The following BAIAP2L1 variants were observed in gnomAD, a reference collection of about 807,000 sequenced individuals.
BAIAP2L1 encodes the protein BAR/IMD domain containing adaptor protein 2 like 1, also known as BAR/IMD domain-containing adapter protein 2-like 1.
BAIAP2L1 carries 35 observed loss-of-function variants against 66.3 expected under a neutral mutation model. That is an observed-to-expected ratio of 0.53 (90% confidence interval 0.40 to 0.70). BAIAP2L1 has a LOEUF of 0.70. Among genes scored for constraint, BAIAP2L1 ranks in the 30% least tolerant of loss-of-function variants. The pLI is 0.00. For missense variants in BAIAP2L1, 622 were observed against 656.9 expected, an observed-to-expected ratio of 0.95 and a Z score of 0.58; for synonymous variants, 269 against 248.7, an observed-to-expected ratio of 1.08 and a Z score of -0.77.
At chr7:98,345,332 C>A (rs1197019976) in intron 3 of BAIAP2L1, among the ~76,000 whole-genome samples, 2 of 152,150 alleles carry the variant, frequency 1.3e-5, no homozygotes, top group African/African-American at 2.4e-5. Context: ...TGACAAAAGT[C>A]AATTTGCAAA....
At chr7:98,304,130 A>G (rs1422870332) in intron 12 of BAIAP2L1, 66 bp downstream of exon 12, 3 of 1,465,514 alleles carry the variant, frequency 2.0e-6, no homozygotes, top group Non-Finnish European at 2.7e-6. Flanking sequence ...TCACCACAGG[A>G]CCTGCGCCTC....
chr7:98,299,405 G>T (rs1463735084), intron 12 of BAIAP2L1, among the ~76,000 whole-genome samples: 1 of 152,060 alleles, frequency 6.6e-6, no homozygotes, highest in Non-Finnish European at 1.5e-5. Context: ...TGATCCTCCC[G>T]CCTCGGCCTC....
At chr7:98,369,452 T>C (rs970846564) in intron 1 of BAIAP2L1, among the ~76,000 whole-genome samples, 4 of 152,054 alleles carry the variant, frequency 2.6e-5, no homozygotes, top group Non-Finnish European at 4.4e-5. Context: ...CACTCCAGCC[T>C]GGGCGATAAA....
At chr7:98,377,247 C>A (rs143163786) in intron 1 of BAIAP2L1, among the ~76,000 whole-genome samples, 1 of 152,292 alleles carries the variant, frequency 6.6e-6, no homozygotes, top group African/African-American at 2.4e-5. Context: ...ACATGGCTTA[C>A]GAGCTTCTGC....
At chr7:98,318,827 C>T (rs943483667) in intron 5 of BAIAP2L1, among the ~76,000 whole-genome samples, 1 of 151,138 alleles carries the variant, frequency 6.6e-6, no homozygotes, top group African/African-American at 2.4e-5. Flanking sequence ...GCCTGTAATC[C>T]CAGCTAATTG....
intron 12 of BAIAP2L1, among the ~76,000 whole-genome samples, chr7:98,298,088 A>G (rs560776492): frequency 1.4e-4 from 21 of 152,302 alleles, no homozygotes; most frequent in African/African-American, 5.1e-4. Context: ...TTAAAGAGAT[A>G]TCACGTGACC....
At chr7:98,361,157 G>C (rs572978212) in intron 2 of BAIAP2L1, among the ~76,000 whole-genome samples, 8 of 152,232 alleles carry the variant, frequency 5.3e-5, no homozygotes, top group African/African-American at 1.7e-4. Flanking sequence ...AGGAGTTCGA[G>C]ACCAGCCTGG....
At chr7:98,364,491 G>A (rs975577259) in intron 1 of BAIAP2L1, among the ~76,000 whole-genome samples, 4 of 152,132 alleles carry the variant, frequency 2.6e-5, no homozygotes, top group African/African-American at 9.7e-5. Context: ...GTGGCCTGTG[G>A]CAGCGCTCTT....
chr7:98,376,520 A>T (rs1454570428), intron 1 of BAIAP2L1, among the ~76,000 whole-genome samples: 6 of 151,146 alleles, frequency 4.0e-5, no homozygotes, highest in African/African-American at 1.5e-4. Flanking sequence ...CTCAAAAAAC[A>T]AAACAAAACC....
At chr7:98,392,933 C>T (rs1803080600) in intron 1 of BAIAP2L1, among the ~76,000 whole-genome samples, 1 of 146,998 alleles carries the variant, frequency 6.8e-6, no homozygotes, top group Non-Finnish European at 1.5e-5. Context: ...GCTGGAATTA[C>T]AGGCACCCGC....
rs746573777 is a variant in BAIAP2L1 at position 98,312,125 on chromosome 7, G to A, written c.779C>T (p.Ala260Val). ...ATTGCTTCTCTCGATCATGGGTGAA[G>A]CCTGAGGAGTTCCAGACACGGGGGT... is the stretch of plus-strand genomic sequence containing the variant. The part of the protein sequence containing the change: ...ASTPVSGTPQ[A>V]SPMIERSNVV... The change falls in exon 8 of 14, where the codon GCT becomes GTT. Residue 260 changes from alanine to valine, a missense_variant. Coordinates refer to ENST00000005260, the MANE Select transcript of BAIAP2L1 (RefSeq NM_018842.5). 4 of 1,613,072 alleles carry A rather than the reference G, an allele frequency of 2.5e-6. No homozygotes were observed. In the African/African-American group the frequency reaches 5.3e-5, roughly 22 times the overall value.
chr7:98,359,745 G>GTTTTTTTTTTTTTTTT (rs780836343), intron 2 of BAIAP2L1, among the ~76,000 whole-genome samples: 1 of 109,024 alleles, frequency 9.2e-6, no homozygotes, highest in Admixed American at 1.2e-4. Context: ...GTAGACCTGG[G>GTTTTTTTTTTTTTTTT]TTTTTTTTTT....
chr7:98,293,730 A>G, intron 13 of BAIAP2L1, 134 bp from the exon 14 acceptor site: 1 of 818,964 alleles, frequency 1.2e-6, no homozygotes, highest in Non-Finnish European at 2.0e-6. Flanking sequence ...AGGTCCCAGC[A>G]GCGTTTTCTG....
rs35903783 is a variant in BAIAP2L1 at position 98,381,928 on chromosome 7, GTTTT to G, written c.51+18870_51+18873del. Among the ~76,000 whole-genome samples, 5 of 139,472 alleles carry G rather than the reference GTTTT, an allele frequency of 3.6e-5. No homozygotes were observed. The East Asian group carries it at 1.1e-3, about 30-fold the overall frequency. 91.5% of individuals were successfully genotyped at this position (139,472 alleles called of 152,430 possible). A position where few individuals can be genotyped will look rare whatever the true frequency, so the allele number is the denominator to read the frequency against. On this transcript the variant is annotated intron_variant, in intron 1 of 13. Transcript: ENST00000005260. The stretch of plus-strand genomic sequence containing the variant: ...CCCACATTAGGGTAAAAATCTAAGG[GTTTT>G]TTTTTTTTTTTGAGATGGAGTCTCG...
At chr7:98,364,521 G>A (rs1175352569) in intron 1 of BAIAP2L1, among the ~76,000 whole-genome samples, 5 of 152,122 alleles carry the variant, frequency 3.3e-5, no homozygotes, top group African/African-American at 1.2e-4. Context: ...GTAGGTCCAC[G>A]TCTTCCTATT....
intron 3 of BAIAP2L1, among the ~76,000 whole-genome samples, chr7:98,348,136 T>TA (rs368750688): frequency 1.2e-4 from 17 of 147,276 alleles, no homozygotes; most frequent in East Asian, 4.0e-4. Context: ...TAAAGTATAA[T>TA]AAAAAAAAGA....
At chr7:98,388,739 C>T (rs551039160) in intron 1 of BAIAP2L1, among the ~76,000 whole-genome samples, 7 of 152,116 alleles carry the variant, frequency 4.6e-5, no homozygotes, top group East Asian at 1.9e-4. Flanking sequence ...TTTGGGAGAC[C>T]GATGCAGGCA....
At chr7:98,361,880 C>T (rs1302588989) in intron 2 of BAIAP2L1, among the ~76,000 whole-genome samples, 2 of 152,150 alleles carry the variant, frequency 1.3e-5, no homozygotes, top group South Asian at 2.1e-4. Flanking sequence ...GGACTACAGG[C>T]GCGCACCACC....
At chr7:98,311,546 C>CA (rs1167290328) in intron 8 of BAIAP2L1, among the ~76,000 whole-genome samples, 39 of 148,036 alleles carry the variant, frequency 2.6e-4, no homozygotes, top group Middle Eastern at 3.5e-3. Context: ...GTCTCAAAAA[C>CA]AAAAAAAATA....
Sources: allele counts gnomAD v4.1 joint callset (sites outside exome capture counted in the v4.1 genomes callset), GRCh38; gene constraint gnomAD v4.1.1; transcripts MANE v1.5; gene names NCBI Gene and HGNC (gene_info 2026-07-23, HGNC 2026-07-21).